DICER1: variants seen among roughly 807,000 people sequenced by gnomAD.
The protein encoded by DICER1 is dicer 1, ribonuclease III.
In DICER1, 43 loss-of-function variants were observed where a neutral mutation model predicts 194.1. The observed-to-expected ratio is 0.22, with a 90% CI of 0.17 to 0.29. The LOEUF (loss-of-function observed/expected upper bound fraction) is 0.29. Ranked by LOEUF, DICER1 falls within the 10% of genes least tolerant of loss-of-function variation. The pLI is 1.00. For missense variants in DICER1, 1,608 were observed against 2,317.0 expected, an observed-to-expected ratio of 0.69 and a Z score of 6.28; for synonymous variants, 832 against 820.5, an observed-to-expected ratio of 1.01 and a Z score of -0.24.
At chr14:95,148,696 T>A (rs949509159) in intron 1 of DICER1, among the ~76,000 whole-genome samples, 2 of 152,190 alleles carry the variant, frequency 1.3e-5, no homozygotes, top group Non-Finnish European at 2.9e-5. Flanking sequence ...GATCTCCATA[T>A]AAGAAGTGTC....
At chr14:95,122,641 C>G (rs936555690) in intron 8 of DICER1, among the ~76,000 whole-genome samples, 1 of 152,200 alleles carries the variant, frequency 6.6e-6, no homozygotes, top group Non-Finnish European at 1.5e-5. Flanking sequence ...ATTTAACTTA[C>G]AGCAAATCAC....
intron 22 of DICER1, among the ~76,000 whole-genome samples, chr14:95,096,989 G>T (rs186097708): frequency 6.6e-6 from 1 of 152,236 alleles, no homozygotes; most frequent in African/African-American, 2.4e-5. Flanking sequence ...TTTGAACATG[G>T]ATATAAAGTT....
At chr14:95,144,697 C>T (rs1418715132) in intron 1 of DICER1, among the ~76,000 whole-genome samples, 1 of 152,002 alleles carries the variant, frequency 6.6e-6, no homozygotes, top group Non-Finnish European at 1.5e-5. Context: ...GAATTTATAG[C>T]CAGATTAACC....
chr14:95,122,042 A>G (rs1399847322), intron 8 of DICER1, among the ~76,000 whole-genome samples: 2 of 152,222 alleles, frequency 1.3e-5, no homozygotes, highest in Non-Finnish European at 1.5e-5. Context: ...TAAGCTTATT[A>G]AAAAGCTTAC....
chr14:95,098,147 G>A (rs1233347154), intron 22 of DICER1, among the ~76,000 whole-genome samples: 1 of 152,180 alleles, frequency 6.6e-6, no homozygotes, highest in Non-Finnish European at 1.5e-5. Flanking sequence ...CCTGGGCAAA[G>A]CCTTTTAGTG....
chr14:95,095,108 T>A (rs151021368), intron 23 of DICER1, among the ~76,000 whole-genome samples: 4 of 152,372 alleles, frequency 2.6e-5, no homozygotes, highest in African/African-American at 9.6e-5. Flanking sequence ...GCTTTTATTA[T>A]ATAAACTACA....
chr14:95,133,140 A>G (rs905567009), intron 2 of DICER1, among the ~76,000 whole-genome samples, 175 bp downstream of exon 2: 2 of 152,230 alleles, frequency 1.3e-5, no homozygotes, highest in African/African-American at 4.8e-5. Flanking sequence ...CCAATTACCC[A>G]GCAGATGTTA....
chr14:95,139,534 T>G (rs1034859466), intron 1 of DICER1, among the ~76,000 whole-genome samples: 12 of 152,370 alleles, frequency 7.9e-5, no homozygotes, highest in East Asian at 3.9e-4. Context: ...ATACATGTTA[T>G]TCTTTTACTG....
intron 1 of DICER1, among the ~76,000 whole-genome samples, chr14:95,154,565 G>A (rs1039777029): frequency 2.0e-5 from 3 of 152,196 alleles, no homozygotes; most frequent in East Asian, 1.9e-4. Context: ...CATCACAGAT[G>A]AGCCGTGGAG....
chr14:95,125,450 T>C (rs955284650), intron 7 of DICER1, among the ~76,000 whole-genome samples: 3 of 146,592 alleles, frequency 2.0e-5, no homozygotes, highest in South Asian at 2.2e-4. Context: ...ACAACTCTAA[T>C]TGAGAGCCGA....
intron 10 of DICER1, among the ~76,000 whole-genome samples, chr14:95,116,087 ACAC>A (rs968066901): frequency 3.3e-5 from 5 of 151,074 alleles, no homozygotes; most frequent in African/African-American, 7.4e-5. Flanking sequence ...ACACACACAC[ACAC>A]GACTGTTAGT....
In DICER1 at chr14:95,133,436, G is replaced by T. The variant is rs1894130122; in HGVS notation, c.23C>A (p.Pro8His). ...GAGCTGCAGGCCTGCCATGCTGAGG[G>T]GTTGCAAAGCAGGGCTTTTCATTCA... MKSPALQ[P>H]LSMAGLQLMT... Residue 8 changes from proline to histidine, a missense_variant, in exon 2 of 27, where the codon CCC becomes CAC. Around this residue, in one of 10 missense-constraint regions of DICER1, gnomAD observed 657 missense variants for 910.1 expected, o/e 0.72. Transcript: ENST00000343455. 6.2e-7 allele frequency: 1 copy of T among 1,613,760 alleles called. No homozygotes were observed. The highest frequency in any genetic ancestry group is 8.5e-7 in the Non-Finnish European group (1 of 1,179,838).
chr14:95,115,722 G>A lies in DICER1; in HGVS notation c.1852C>T (p.Pro618Ser), dbSNP rs1595406211. The A allele has an allele frequency of 2.5e-6, 4 of 1,613,970 alleles. No homozygotes were observed. The highest frequency in any genetic ancestry group is 3.3e-5 in the Admixed American group (2 of 60,006). ...GTGACTCGTGGACCACCATCGTCAG[G>A]CCTCAACACATATGGTGGGAAAACG... Reference protein sequence around the residue: ...DDVFPPYVLRPDDGGPRVTIN... With the variant: ...DDVFPPYVLRSDDGGPRVTIN... Residue 618 changes from proline to serine, a missense_variant, in exon 11 of 27, where the codon CCT (proline) becomes TCT (serine). By Grantham distance (74) the Pro-to-Ser change is moderately conservative. Around this residue, in one of 10 missense-constraint regions of DICER1, gnomAD observed 657 missense variants for 910.1 expected, o/e 0.72. Transcript: ENST00000343455.
At chr14:95,104,237 A>C (rs1891209123) in intron 20 of DICER1, 111 bp from the exon 21 acceptor site, 8 of 895,262 alleles carry the variant, frequency 8.9e-6, no homozygotes, top group Admixed American at 2.5e-5. Flanking sequence ...ATGTACTCCT[A>C]AACTTTAGAA....
At position 95,096,067 on chromosome 14, in the gene DICER1, G is replaced by A. The variant is rs377205344; in HGVS notation, c.4853C>T (p.Ser1618Leu). Residue 1618 changes from serine to leucine, a missense_variant, in exon 23 of 27, where the codon TCA (serine) becomes TTA (leucine). This residue lies in a region of DICER1 where 125 missense variants were observed against 134.9 expected (regional missense o/e 0.93). Coordinates refer to ENST00000343455, the MANE Select transcript of DICER1 (RefSeq NM_177438.3). ...ENFNSQQKNL[S>L]VSCAAASVAS... is the part of the protein sequence containing the mutation. Reference sequence around the variant, plus strand: ...CACAGAAGCAGCAGCACAGCTCACTGAAAGGTTCTTTTGTTGGCTGTTGAA... The same window carrying A: ...CACAGAAGCAGCAGCACAGCTCACTAAAAGGTTCTTTTGTTGGCTGTTGAA... 2.5e-6 allele frequency: 4 copies of A among 1,614,090 alleles called. No individual in the cohort carries two copies. The East Asian group carries it at 8.9e-5, about 36-fold the overall frequency.
At chr14:95,129,686 A>G in intron 5 of DICER1, 54 bp from the exon 6 acceptor site, 1 of 1,509,202 alleles carries the variant, frequency 6.6e-7, no homozygotes, top group Non-Finnish European at 9.1e-7. Context: ...AGGCTATAAC[A>G]AGAGAGACAT....
At chr14:95,097,503 T>G (rs532865567) in intron 22 of DICER1, among the ~76,000 whole-genome samples, 161 of 152,354 alleles carry the variant, frequency 1.1e-3, no homozygotes, top group Non-Finnish European at 1.9e-3. Flanking sequence ...CTTTGCTAAT[T>G]CCAATTTCTT....
In DICER1 at chr14:95,130,246, C is replaced by T. The variant is rs929356224; in HGVS notation, c.439-54G>A. The T allele has an allele frequency of 2.6e-6, 4 of 1,560,752 alleles. No individual in the cohort carries two copies. The African/African-American group carries it at 4.1e-5, about 16-fold the overall frequency. On this transcript the variant is annotated intron_variant, in intron 4 of 26. Coordinates refer to ENST00000343455, the MANE Select transcript of DICER1 (RefSeq NM_177438.3). ...ACATAGCATTCACTGCCTGGATATA[C>T]TTACATAAAATCAGATCATAGAGCC...
At chr14:95,098,977 TAACCTTTG>T (rs999879070) in intron 22 of DICER1, among the ~76,000 whole-genome samples, 1 of 152,192 alleles carries the variant, frequency 6.6e-6, no homozygotes, top group Non-Finnish European at 1.5e-5. Flanking sequence ...TTTAAAAATA[TAACCTTTG>T]AAAGAAAAAA....
Sources: allele counts gnomAD v4.1 joint callset (sites outside exome capture counted in the v4.1 genomes callset), GRCh38; gene constraint gnomAD v4.1.1; regional missense constraint gnomAD v4.1.1; transcripts MANE v1.5; gene names NCBI Gene and HGNC (gene_info 2026-07-23, HGNC 2026-07-21).